Variants in WDR41 observed in about 807,000 individuals in gnomAD.
The protein encoded by WDR41 is WD repeat domain 41.
Under a neutral mutation model 69.3 loss-of-function variants are expected in WDR41, and 63 were observed. The observed-to-expected ratio is 0.91, with a 90% CI of 0.74 to 1.12. The LOEUF is 1.12. Among genes scored for constraint, WDR41 ranks in the 50% most tolerant of loss-of-function variants. The pLI is 0.00. For missense variants in WDR41, 543 were observed against 534.5 expected (o/e 1.02, Z -0.16); for synonymous variants, 185 against 192.1 (o/e 0.96, Z 0.31).
intron 9 of WDR41, 53 bp from the exon 10 acceptor site, chr5:77,438,414 T>C (rs1357278320): frequency 1.2e-6 from 2 of 1,600,240 alleles, no homozygotes; most frequent in Middle Eastern, 1.7e-4. Flanking sequence ...CCCTTCCTAG[T>C]GTAATGGATT....
chr5:77,559,765 T>C (rs1345308540), intron 1 of WDR41, among the ~76,000 whole-genome samples: 1 of 152,096 alleles, frequency 6.6e-6, no homozygotes, highest in African/African-American at 2.4e-5. Flanking sequence ...TTTAAGGTAA[T>C]TGCTTGGTAA....
intron 12 of WDR41, among the ~76,000 whole-genome samples, chr5:77,435,530 GCTC>G (rs1234626778): frequency 1.3e-5 from 2 of 152,176 alleles, no homozygotes; most frequent in Non-Finnish European, 2.9e-5. Context: ...TGCTGCCGCT[GCTC>G]CTCCTAAGCA....
At chr5:77,461,167 C>G (rs973677426) in intron 4 of WDR41, among the ~76,000 whole-genome samples, 1 of 151,010 alleles carries the variant, frequency 6.6e-6, no homozygotes, top group East Asian at 1.9e-4. Flanking sequence ...TACACTGATA[C>G]TGAAAAAGAG....
chr5:77,463,854 G>A (rs1388898952), intron 3 of WDR41, among the ~76,000 whole-genome samples: 7 of 152,042 alleles, frequency 4.6e-5, no homozygotes, highest in Admixed American at 2.0e-4. Flanking sequence ...TCGTGAATGT[G>A]GTGAAAATAA....
At chr5:77,583,303 T>C (rs1743975703) in intron 1 of WDR41, among the ~76,000 whole-genome samples, 1 of 150,610 alleles carries the variant, frequency 6.6e-6, no homozygotes, top group Non-Finnish European at 1.5e-5. Flanking sequence ...AAACTTGAGC[T>C]CAGGAGTTCA....
At chr5:77,596,090 G>GT (rs1173139513) in intron 1 of WDR41, among the ~76,000 whole-genome samples, 1 of 152,096 alleles carries the variant, frequency 6.6e-6, no homozygotes, top group African/African-American at 2.4e-5. Flanking sequence ...TTTTACCACT[G>GT]TAAGACCATC....
intron 1 of WDR41, among the ~76,000 whole-genome samples, chr5:77,500,443 CAAAG>C (rs776846088): frequency 1.9e-4 from 28 of 150,834 alleles, no homozygotes; most frequent in Non-Finnish European, 3.0e-4. Context: ...GCAAGACTGA[CAAAG>C]AAAAAAAATA....
chr5:77,522,540 T>C (rs1802386132), intron 1 of WDR41, among the ~76,000 whole-genome samples: 3 of 151,946 alleles, frequency 2.0e-5, no homozygotes, highest in South Asian at 4.2e-4. Flanking sequence ...CTCAGGAGGC[T>C]AAGGTGGGAG....
rs1743785710 is a variant in WDR41, at chr5:77,574,242, G to A, written c.42+46237C>T. On this transcript the variant is annotated intron_variant, in intron 1 of 5. Transcript: ENST00000509971. ...GAACCCGGGAGGCGAAGGGTGCAGT[G>A]AGCCGAGATCGCACCACTGCACTCC... Among the ~76,000 whole-genome samples, 5 of 152,186 alleles carry A rather than the reference G, an allele frequency of 3.3e-5. No individual in the cohort carries two copies. The South Asian group carries it at 1.0e-3, about 32-fold the overall frequency.
chr5:77,571,722 G>T (rs1295520199), intron 1 of WDR41, among the ~76,000 whole-genome samples: 4 of 152,136 alleles, frequency 2.6e-5, no homozygotes, highest in Non-Finnish European at 5.9e-5. Flanking sequence ...AAGCTTTGTG[G>T]ATTGGAGCAG....
At chr5:77,442,073 T>C (rs1007105733) in intron 8 of WDR41, among the ~76,000 whole-genome samples, 4 of 152,172 alleles carry the variant, frequency 2.6e-5, no homozygotes, top group Non-Finnish European at 5.9e-5. Flanking sequence ...AATCAGCACA[T>C]TCCTGTATTG....
In WDR41 at chr5:77,600,921, C is replaced by CTGTGTGTG. The variant is rs778461981; in HGVS notation, c.42+19557_42+19558insCACACACA. 2.5e-3 allele frequency among the ~76,000 whole-genome samples: 265 copies of CTGTGTGTG among 106,474 alleles called. 2 individuals carry two copies. The highest frequency in any genetic ancestry group is 7.6e-3 in the African/African-American group (204 of 26,744). 69.9% of individuals were successfully genotyped at this position (106,474 alleles called of 152,430 possible). A position where few individuals can be genotyped will look rare whatever the true frequency, so the allele number is the denominator to read the frequency against. ...ATAACTAAAATTATATTATCTAACT[C>CTGTGTGTG]TGTGTGTATGTGTGTGTGTGTGTGT... On this transcript the variant is annotated intron_variant, in intron 1 of 5. Transcript: ENST00000509971.
chr5:77,486,179 G>A (rs1801514099), intron 2 of WDR41, among the ~76,000 whole-genome samples: 1 of 152,042 alleles, frequency 6.6e-6, no homozygotes, highest in East Asian at 1.9e-4. Context: ...GACTCTTTCG[G>A]TTTTTCTTTT....
chr5:77,475,427 T>C (rs558430037), intron 2 of WDR41, among the ~76,000 whole-genome samples: 8 of 152,314 alleles, frequency 5.3e-5, no homozygotes, highest in Admixed American at 1.3e-4. Context: ...CCCTGTCTGA[T>C]AGCTTTGAAG....
intron 1 of WDR41, among the ~76,000 whole-genome samples, chr5:77,513,399 G>A (rs1044014538): frequency 1.3e-5 from 2 of 152,100 alleles, no homozygotes; most frequent in Non-Finnish European, 2.9e-5. Context: ...AATCTATAAT[G>A]TGTCTTCTTT....
At chr5:77,434,664 T>G (rs1185565203) in intron 12 of WDR41, among the ~76,000 whole-genome samples, 1 of 151,760 alleles carries the variant, frequency 6.6e-6, no homozygotes, top group African/African-American at 2.4e-5. Context: ...AAGACTGCAC[T>G]CCAGCCTGGG....
chr5:77,449,990 C>G, intron 7 of WDR41, 120 bp from the exon 8 acceptor site: 1 of 677,224 alleles, frequency 1.5e-6, no homozygotes, highest in Non-Finnish European at 2.5e-6. Context: ...AAAAACCCAT[C>G]TCCAAAAAAA....
chr5:77,557,003 G>A (rs569121932), intron 1 of WDR41, among the ~76,000 whole-genome samples: 110 of 152,218 alleles, frequency 7.2e-4, no homozygotes, highest in Non-Finnish European at 1.1e-3. Context: ...GAGCCTGAAA[G>A]CTGTTGGTAG....
At chr5:77,588,001 C>A (rs1744071736) in intron 1 of WDR41, among the ~76,000 whole-genome samples, 1 of 152,070 alleles carries the variant, frequency 6.6e-6, no homozygotes, top group African/African-American at 2.4e-5. Flanking sequence ...TTTAAGGCAC[C>A]CATTATGTGG....
Sources: allele counts gnomAD v4.1 joint callset (sites outside exome capture counted in the v4.1 genomes callset), GRCh38; gene constraint gnomAD v4.1.1; transcripts MANE v1.5; gene names NCBI Gene and HGNC (gene_info 2026-07-23, HGNC 2026-07-21).